Variants in WNT2 observed in about 807,000 individuals in gnomAD.
WNT2 encodes protein Wnt-2.
WNT2 carries 12 observed loss-of-function variants against 36.9 expected under a neutral mutation model. The ratio of observed to expected loss-of-function variants is 0.33; its 90% CI spans 0.21 to 0.53. The LOEUF (loss-of-function observed/expected upper bound fraction) is 0.53. Ranked by LOEUF, WNT2 falls within the 20% of genes least tolerant of loss-of-function variation. The pLI is 0.95. For missense variants in WNT2, 379 were observed against 473.1 expected (o/e 0.80, Z 1.84); for synonymous variants, 163 against 174.6 (o/e 0.93, Z 0.52).
intron 1 of WNT2, chr7:117,321,976 C>G (rs959893220): frequency 6.6e-6 from 1 of 152,144 alleles, no homozygotes; most frequent in African/African-American, 2.4e-5. Context: ...AGCTGAGACC[C>G]CTTACCAGAT....
intron 4 of WNT2, among the ~76,000 whole-genome samples, chr7:117,290,990 T>G (rs948486381): frequency 6.6e-5 from 10 of 152,222 alleles, no homozygotes; most frequent in African/African-American, 2.2e-4. Flanking sequence ...GTTTAATCAT[T>G]AAAAACATGT....
chr7:117,304,420 C>T (rs1033830351), intron 3 of WNT2, among the ~76,000 whole-genome samples: 3 of 146,388 alleles, frequency 2.0e-5, no homozygotes, highest in African/African-American at 7.6e-5. Context: ...CCCTTTCAAT[C>T]CTCTCCTCCA....
chr7:117,296,817 G>T (rs1244438228), intron 4 of WNT2, among the ~76,000 whole-genome samples: 1 of 152,182 alleles, frequency 6.6e-6, no homozygotes, highest in Admixed American at 6.5e-5. Flanking sequence ...TTTAATAAAT[G>T]AAGGGCCTCT....
chr7:117,285,480 A>G (rs1258189080), intron 4 of WNT2, among the ~76,000 whole-genome samples: 1 of 152,226 alleles, frequency 6.6e-6, no homozygotes, highest in Non-Finnish European at 1.5e-5. Flanking sequence ...CAGTCTGATC[A>G]TCTACCTAAC....
chr7:117,307,034 TA>T (rs779907631), intron 3 of WNT2, among the ~76,000 whole-genome samples: 3 of 152,184 alleles, frequency 2.0e-5, no homozygotes, highest in Non-Finnish European at 4.4e-5. Context: ...TTTCTAATTT[TA>T]AAATTTAAGA....
chr7:117,307,037 A>G (rs1052278954), intron 3 of WNT2, among the ~76,000 whole-genome samples: 2 of 152,086 alleles, frequency 1.3e-5, no homozygotes, highest in African/African-American at 4.8e-5. Context: ...CTAATTTTAA[A>G]ATTTAAGAAA....
intron 3 of WNT2, among the ~76,000 whole-genome samples, chr7:117,298,079 G>A (rs772467644): frequency 4.6e-5 from 7 of 152,168 alleles, no homozygotes; most frequent in Non-Finnish European, 7.3e-5. Context: ...GGCAGTGGGT[G>A]GAGAGGGGAG....
intron 3 of WNT2, among the ~76,000 whole-genome samples, chr7:117,311,906 C>A (rs938231503): frequency 6.6e-6 from 1 of 152,170 alleles, no homozygotes; most frequent in African/African-American, 2.4e-5. Context: ...AACAAAGGTG[C>A]ATCTGATTTG....
In WNT2 at chr7:117,278,353, G is replaced by T; in HGVS notation, c.885C>A (p.Asn295Lys). 6.2e-7 allele frequency: 1 copy of T among 1,614,082 alleles called. No homozygotes were observed. Among genetic ancestry groups the T allele is most frequent in the Non-Finnish European group, 8.5e-7 (1 of 1,179,992 alleles). ...AGCTGTCCATGCCCCGGGAAGTCAG[G>T]TTGCACACACGGCCTGCTGTACCCA... ...GSLGTAGRVC[N>K]LTSRGMDSCE... is the part of the protein sequence containing the mutation. The change falls in exon 5 of 5, where the codon AAC becomes AAA. Residue 295 changes from asparagine to lysine, a missense_variant. Coordinates refer to ENST00000265441, the MANE Select transcript of WNT2 (RefSeq NM_003391.3).
chr7:117,303,078 G>A (rs957104307), intron 3 of WNT2, among the ~76,000 whole-genome samples: 2 of 152,070 alleles, frequency 1.3e-5, no homozygotes, highest in Admixed American at 6.6e-5. Flanking sequence ...TCCCCAGACT[G>A]GGCAAATTAG....
chr7:117,287,723 C>A (rs1052488893), intron 4 of WNT2, among the ~76,000 whole-genome samples: 6 of 152,108 alleles, frequency 3.9e-5, no homozygotes, highest in Non-Finnish European at 1.5e-5. Context: ...TGTGGTGGCT[C>A]ATGCTTGTAA....
chr7:117,296,073 G>A (rs1320127930), intron 4 of WNT2, among the ~76,000 whole-genome samples: 1 of 152,218 alleles, frequency 6.6e-6, no homozygotes, highest in Non-Finnish European at 1.5e-5. Flanking sequence ...CAAGACAGCA[G>A]CATCTCCATG....
chr7:117,308,522 G>T (rs1795059163), intron 3 of WNT2, among the ~76,000 whole-genome samples: 1 of 152,184 alleles, frequency 6.6e-6, no homozygotes, highest in African/African-American at 2.4e-5. Flanking sequence ...GATAAATAAA[G>T]ATCTCTAATA....
At chr7:117,311,096 G>T (rs562934806) in intron 3 of WNT2, among the ~76,000 whole-genome samples, 62 of 152,294 alleles carry the variant, frequency 4.1e-4, no homozygotes, top group Middle Eastern at 3.4e-3. Flanking sequence ...TCTGAAAGTT[G>T]CAGTGCTGTT....
At chr7:117,294,039 G>A (rs1459721978) in intron 4 of WNT2, among the ~76,000 whole-genome samples, 2 of 152,154 alleles carry the variant, frequency 1.3e-5, no homozygotes, top group Non-Finnish European at 2.9e-5. Context: ...AGTAGAAAGT[G>A]GCCAGGATAA....
rs530848626 is a variant in WNT2 at position 117,300,464 on chromosome 7, C to T, written c.589-2588G>A. The stretch of plus-strand genomic sequence containing the variant: ...CCTCCCAAAGTGTTGGGATTACAGG[C>T]GTGAGCCATCGTACCTGGCCATGTT... On this transcript the variant is annotated intron_variant, in intron 3 of 4. Coordinates refer to ENST00000265441, the MANE Select transcript of WNT2 (RefSeq NM_003391.3). 5.9e-5 allele frequency among the ~76,000 whole-genome samples: 9 copies of T among 152,168 alleles called. No homozygotes were observed. In the South Asian group the frequency reaches 1.5e-3, roughly 25 times the overall value.
intron 3 of WNT2, among the ~76,000 whole-genome samples, chr7:117,314,279 G>A (rs1795173768): frequency 6.6e-6 from 1 of 152,160 alleles, no homozygotes; most frequent in African/African-American, 2.4e-5. Context: ...CAAAAGACAT[G>A]GGTCATCAGT....
At chr7:117,314,482 G>A (rs1392576425) in intron 3 of WNT2, among the ~76,000 whole-genome samples, 5 of 152,164 alleles carry the variant, frequency 3.3e-5, no homozygotes, top group Non-Finnish European at 7.4e-5. Context: ...AGTTAGTCAG[G>A]TCTAGAGGAG....
At chr7:117,293,180 C>T (rs1427367123) in intron 4 of WNT2, among the ~76,000 whole-genome samples, 1 of 150,520 alleles carries the variant, frequency 6.6e-6, no homozygotes, top group Non-Finnish European at 1.5e-5. Context: ...GATGCTGGTT[C>T]AATAGGTTTC....
Sources: allele counts gnomAD v4.1 joint callset (sites outside exome capture counted in the v4.1 genomes callset), GRCh38; gene constraint gnomAD v4.1.1; transcripts MANE v1.5; gene names NCBI Gene and HGNC (gene_info 2026-07-23, HGNC 2026-07-21).